TGFB1: variants seen among roughly 807,000 people sequenced by gnomAD.
TGFB1 encodes transforming growth factor beta 1.
In TGFB1, 19 loss-of-function variants were observed where a neutral mutation model predicts 43.8. The observed-to-expected ratio is 0.43, with a 90% CI of 0.30 to 0.64. The LOEUF is 0.64. Among genes scored for constraint, TGFB1 ranks in the 30% least tolerant of loss-of-function variants. The pLI, the probability that TGFB1 is intolerant of heterozygous loss-of-function variation, is 0.11. For missense variants in TGFB1, 445 were observed against 529.8 expected (o/e 0.84, Z 1.57); for synonymous variants, 221 against 236.3 (o/e 0.94, Z 0.60).
chr19:41,338,454 C>T (rs1032492952), intron 5 of TGFB1, among the ~76,000 whole-genome samples: 2 of 150,942 alleles, frequency 1.3e-5, no homozygotes, highest in Non-Finnish European at 1.5e-5. Context: ...TGAGATTGTG[C>T]CATTACACTC....
chr19:41,347,726 G>A (rs1323049968), intron 2 of TGFB1, among the ~76,000 whole-genome samples: 1 of 151,518 alleles, frequency 6.6e-6, no homozygotes, highest in Non-Finnish European at 1.5e-5. Context: ...TACTCGGGTG[G>A]CTGAGGCAGG....
At chr19:41,335,343 C>G (rs1453586175) in intron 5 of TGFB1, among the ~76,000 whole-genome samples, 1 of 152,078 alleles carries the variant, frequency 6.6e-6, no homozygotes, top group African/African-American at 2.4e-5. Flanking sequence ...CATGAGCCAC[C>G]GCACCCGGCT....
intron 5 of TGFB1, among the ~76,000 whole-genome samples, chr19:41,338,699 C>T (rs373589636): frequency 1.5e-3 from 220 of 151,612 alleles, no homozygotes; most frequent in East Asian, 3.1e-3. Context: ...ATTAGCTGGG[C>T]GTGGCGGTGG....
Position 41,352,990 on chromosome 19 carries a change from G to C in TGFB1, c.55C>G (p.Leu19Val). The C allele has an allele frequency of 1.9e-6, 3 of 1,539,434 alleles. No homozygotes were observed. The highest frequency in any genetic ancestry group is 2.6e-6 in the Non-Finnish European group (3 of 1,146,626). ...GCCGGCCGGCCAGGCGTCAGCACCA[G>C]TAGCCACAGCAGCGGTAGCAGCAGC... is the stretch of plus-strand genomic sequence containing the variant. ...LPLLLPLLWL[L>V]VLTPGRPAAG... Residue 19 changes from leucine (L) to valine (V), a missense_variant, in exon 1 of 7, where the codon CTG becomes GTG. Around this residue, in one of 3 missense-constraint regions of TGFB1, gnomAD observed 366 missense variants for 428.8 expected, o/e 0.85. Transcript: ENST00000221930.
chr19:41,344,347 T>C (rs563822175), intron 3 of TGFB1, among the ~76,000 whole-genome samples: 3 of 152,150 alleles, frequency 2.0e-5, no homozygotes, highest in Non-Finnish European at 2.9e-5. Flanking sequence ...ACATCAGCTA[T>C]GGTGCCCCTC....
chr19:41,332,032 CA>C, intron 6 of TGFB1, 95 bp downstream of exon 6: 1 of 1,498,660 alleles, frequency 6.7e-7, no homozygotes, highest in Non-Finnish European at 9.1e-7. Context: ...CCCATCCTGC[CA>C]ACTCACCTCT....
intron 6 of TGFB1, 26 bp downstream of exon 6, chr19:41,332,102 C>G (rs41275752): frequency 3.6e-5 from 58 of 1,604,376 alleles, no homozygotes; most frequent in Non-Finnish European, 4.9e-5. Context: ...CCAAGCGCAT[C>G]TCGTAGCCCG....
chr19:41,345,794 C>T (rs962060427), intron 2 of TGFB1, among the ~76,000 whole-genome samples: 6 of 151,300 alleles, frequency 4.0e-5, no homozygotes, highest in Non-Finnish European at 7.4e-5. Flanking sequence ...CCCAGCTACT[C>T]AGGAGGCTGA....
At chr19:41,346,777 G>A (rs2038120826) in intron 2 of TGFB1, among the ~76,000 whole-genome samples, 1 of 152,206 alleles carries the variant, frequency 6.6e-6, no homozygotes, top group Non-Finnish European at 1.5e-5. Context: ...CCAGGCTGGA[G>A]TGCAGTGGTA....
chr19:41,344,180 C>T (rs1351878122), intron 3 of TGFB1, among the ~76,000 whole-genome samples: 5 of 118,896 alleles, frequency 4.2e-5, no homozygotes, highest in Admixed American at 7.7e-5. Context: ...GACCGGGTTT[C>T]GCCATGTTGC....
chr19:41,334,056 T>C (rs1599883451), intron 5 of TGFB1, among the ~76,000 whole-genome samples: 1 of 152,212 alleles, frequency 6.6e-6, no homozygotes. Context: ...CTGCCTGCCT[T>C]CTTCTGGTTT....
intron 6 of TGFB1, 112 bp from the exon 7 acceptor site, chr19:41,331,322 C>G: frequency 7.8e-7 from 1 of 1,273,932 alleles, no homozygotes; most frequent in Non-Finnish European, 1.0e-6. Context: ...TTCGTCTCTC[C>G]CCGCATCCCC....
rs911892836 is a variant in TGFB1, at chr19:41,344,656, C to T, written c.634+91G>A. 53 of 1,164,868 alleles carry T rather than the reference C, an allele frequency of 4.5e-5. 1 individual carries two copies. Among genetic ancestry groups the T allele is most frequent in the African/African-American group, 3.6e-4 (24 of 66,336 alleles). The allele number at this position is 1,164,868 out of a possible 1,614,324, so 72.2% of individuals were successfully genotyped here. A position where few individuals can be genotyped will look rare whatever the true frequency, so the allele number is the denominator to read the frequency against. On this transcript the variant is annotated intron_variant, in intron 3 of 6. Coordinates refer to ENST00000221930, the MANE Select transcript of TGFB1 (RefSeq NM_000660.7). ...TCAGCACTTTCACACCAGTATGGGG[C>T]GGAGAGGGGTCCTAGGCAAAGTGAC... is the stretch of plus-strand genomic sequence containing the variant.
intron 1 of TGFB1, among the ~76,000 whole-genome samples, chr19:41,351,808 G>A (rs946448178): frequency 2.0e-4 from 31 of 151,888 alleles, no homozygotes; most frequent in Non-Finnish European, 3.8e-4. Flanking sequence ...GGGGAATGCA[G>A]CGTGGATGGC....
In TGFB1 at chr19:41,330,707, G is replaced by A. The variant is rs202033577; in HGVS notation, c.*345C>T. Reference sequence around the variant, plus strand: ...ATGGTGACTGAATGAGTTCATTAATGTAAGGCACTTCAACAGTGCCCAAGG... The same window carrying A: ...ATGGTGACTGAATGAGTTCATTAATATAAGGCACTTCAACAGTGCCCAAGG... On this transcript the variant is annotated 3_prime_UTR_variant, in exon 7 of 7. Transcript: ENST00000221930. 3.8e-5 allele frequency: 9 copies of A among 236,496 alleles called. No homozygotes were observed. Among genetic ancestry groups the A allele is most frequent in the Non-Finnish European group, 6.6e-5 (8 of 121,572 alleles). 14.6% of individuals were successfully genotyped at this position (236,496 alleles called of 1,614,324 possible). A position where few individuals can be genotyped will look rare whatever the true frequency, so the allele number is the denominator to read the frequency against.
intron 3 of TGFB1, among the ~76,000 whole-genome samples, chr19:41,342,501 T>A (rs945408270): frequency 1.4e-5 from 2 of 140,418 alleles, no homozygotes; most frequent in Non-Finnish European, 3.0e-5. Flanking sequence ...AGGCGCGTGC[T>A]ACCACGCATG....
chr19:41,345,618 C>T (rs888619625), intron 2 of TGFB1, among the ~76,000 whole-genome samples: 2 of 151,050 alleles, frequency 1.3e-5, no homozygotes, highest in Non-Finnish European at 3.0e-5. Flanking sequence ...TCTAATGATT[C>T]CGGCTGGGCA....
chr19:41,352,364 G>A (rs1393058537), intron 1 of TGFB1, among the ~76,000 whole-genome samples: 2 of 56,378 alleles, frequency 3.5e-5, no homozygotes, highest in Non-Finnish European at 6.6e-5. Flanking sequence ...CATTCAACGC[G>A]TCCTGGAAGA....
At chr19:41,335,735 T>A (rs2037981759) in intron 5 of TGFB1, among the ~76,000 whole-genome samples, 1 of 152,168 alleles carries the variant, frequency 6.6e-6, no homozygotes, top group Non-Finnish European at 1.5e-5. Context: ...ACGCCTGTAA[T>A]CTCAGCACTT....
Sources: gnomAD v4.1 joint callset for allele counts (sites outside exome capture counted in the v4.1 genomes callset) on GRCh38, gnomAD v4.1.1 for gene constraint, gnomAD v4.1.1 regional missense constraint, MANE v1.5 for transcripts, NCBI Gene and HGNC (gene_info 2026-07-23, HGNC 2026-07-21) for gene names.